Variants in PARD3B observed in about 807,000 individuals in gnomAD.
The protein encoded by PARD3B is partitioning defective 3 homolog B.
A neutral mutation model predicts 130.2 loss-of-function variants in PARD3B; 103 were observed. The ratio of observed to expected loss-of-function variants is 0.79; its 90% CI spans 0.67 to 0.93. The LOEUF (loss-of-function observed/expected upper bound fraction) is 0.93. PARD3B is among the 40% of genes least tolerant of loss of function. The probability of loss-of-function intolerance (pLI) is 0.00; values close to 1 mark genes in which losing one functional copy is unlikely to be tolerated. For missense variants in PARD3B, 1,609 were observed against 1,499.2 expected (o/e 1.07, Z -1.21); for synonymous variants, 583 against 553.2 (o/e 1.05, Z -0.76).
intron 15 of PARD3B, among the ~76,000 whole-genome samples, chr2:205,209,642 G>C (rs991843869): frequency 1.3e-5 from 2 of 151,502 alleles, no homozygotes; most frequent in Non-Finnish European, 1.5e-5. Context: ...TAGGTTAAAT[G>C]AAGTTTAGCA....
intron 15 of PARD3B, among the ~76,000 whole-genome samples, chr2:205,217,665 C>T (rs1233264894): frequency 6.6e-6 from 1 of 151,230 alleles, no homozygotes. Flanking sequence ...TTCTTAATGT[C>T]TCTAACCTAC....
intron 15 of PARD3B, among the ~76,000 whole-genome samples, chr2:205,233,961 A>G (rs779841622): frequency 6.6e-6 from 1 of 152,212 alleles, no homozygotes; most frequent in Non-Finnish European, 1.5e-5. Context: ...AAGTCTATAT[A>G]CTATTGTAAG....
intron 21 of PARD3B, among the ~76,000 whole-genome samples, chr2:205,505,995 A>T (rs971723532): frequency 6.6e-6 from 1 of 152,180 alleles, no homozygotes; most frequent in Admixed American, 6.6e-5. Context: ...AGTGGGAGTT[A>T]AAACATCTTA....
Position 205,446,699 on chromosome 2 carries a change from C to A in PARD3B, c.3044+6027C>A, listed in dbSNP as rs1011703703. On this transcript the variant is annotated intron_variant, in intron 20 of 22. Transcript: ENST00000406610. This position sits in a 1 kb window ranked among gnomAD's most constrained non-coding sequence, Gnocchi z 4.4. ...GACAGTGGTTAAAAAAAAATTTCTA[C>A]CACCAGGACAGAGACACGTGACTGG... Among the ~76,000 whole-genome samples the A allele has an allele frequency of 3.3e-5, 5 of 152,110 alleles. No individual in the cohort carries two copies. The highest frequency in any genetic ancestry group is 2.0e-4 in the Admixed American group (3 of 15,274).
intron 16 of PARD3B, among the ~76,000 whole-genome samples, chr2:205,286,800 A>G (rs1485598398): frequency 6.6e-6 from 1 of 152,206 alleles, no homozygotes; most frequent in African/African-American, 2.4e-5. Flanking sequence ...TCCAGACAAC[A>G]TATTTAATTA....
intron 16 of PARD3B, among the ~76,000 whole-genome samples, chr2:205,249,193 ATT>A (rs367716905): frequency 8.1e-6 from 1 of 123,360 alleles, no homozygotes. Context: ...TTTTTTTTGT[ATT>A]TTTTTTTTAT....
intron 2 of PARD3B, among the ~76,000 whole-genome samples, chr2:204,692,847 A>G (rs527818620): frequency 6.6e-4 from 100 of 152,202 alleles, no homozygotes; most frequent in Non-Finnish European, 1.3e-3. Context: ...CATGGATCCA[A>G]ACAAGACCTC....
chr2:204,563,500 G>A (rs2031479964), intron 1 of PARD3B, among the ~76,000 whole-genome samples: 1 of 152,008 alleles, frequency 6.6e-6, no homozygotes. Flanking sequence ...TTTCCACTAA[G>A]ACACATTGGG....
intron 11 of PARD3B, among the ~76,000 whole-genome samples, chr2:205,170,170 T>G (rs993645787): frequency 5.9e-5 from 9 of 152,144 alleles, no homozygotes; most frequent in African/African-American, 2.2e-4. Context: ...CCTCAGGGGA[T>G]CCGCCCACCT....
At chr2:204,964,848 G>T (rs1191400502) in intron 2 of PARD3B, among the ~76,000 whole-genome samples, 1 of 152,114 alleles carries the variant, frequency 6.6e-6, no homozygotes, top group Non-Finnish European at 1.5e-5. Context: ...TTTAGGGAAG[G>T]TGGGGTAGTG....
At chr2:204,696,621 G>A (rs2037624180) in intron 2 of PARD3B, among the ~76,000 whole-genome samples, 1 of 152,060 alleles carries the variant, frequency 6.6e-6, no homozygotes, top group Non-Finnish European at 1.5e-5. Context: ...TAGTAAATAA[G>A]AATATTCAGT....
chr2:205,547,763 T>C (rs6721320), intron 21 of PARD3B, among the ~76,000 whole-genome samples: 73,420 of 152,068 alleles, frequency 0.48, 19,310 homozygotes, highest in Middle Eastern at 0.72. Flanking sequence ...AGCATACCTC[T>C]CATTTAGTCA....
chr2:204,555,914 T>C (rs2030891629), intron 1 of PARD3B, among the ~76,000 whole-genome samples: 1 of 152,216 alleles, frequency 6.6e-6, no homozygotes, highest in Non-Finnish European at 1.5e-5. Flanking sequence ...GAGAACCCTT[T>C]CTATTGCCCT....
At chr2:204,841,718 T>A (rs2044265475) in intron 2 of PARD3B, among the ~76,000 whole-genome samples, 1 of 152,244 alleles carries the variant, frequency 6.6e-6, no homozygotes, top group South Asian at 2.1e-4. Context: ...TCTCTTTTCC[T>A]CTTCTACAGG....
chr2:205,273,916 G>C (rs1049086122), intron 16 of PARD3B, among the ~76,000 whole-genome samples: 5 of 152,084 alleles, frequency 3.3e-5, no homozygotes, highest in African/African-American at 1.2e-4. Context: ...CTGTGGTGGG[G>C]GTGAGGGTCA....
intron 2 of PARD3B, among the ~76,000 whole-genome samples, chr2:204,734,063 T>G (rs535525884): frequency 6.6e-6 from 1 of 152,248 alleles, no homozygotes; most frequent in Non-Finnish European, 1.5e-5. Context: ...CACAGATAAC[T>G]CTTATAATTT....
intron 18 of PARD3B, among the ~76,000 whole-genome samples, chr2:205,399,610 C>T (rs1216742349): frequency 2.0e-5 from 3 of 152,192 alleles, no homozygotes; most frequent in Non-Finnish European, 1.5e-5. Flanking sequence ...CTGCCTTGGC[C>T]TCCCAAAGTG....
In PARD3B at chr2:204,750,629, CAT is replaced by C. The variant is rs1446571950; in HGVS notation, c.222+64349_222+64350del. 4.0e-5 allele frequency among the ~76,000 whole-genome samples: 6 copies of C among 149,398 alleles called. No individual in the cohort carries two copies. In the East Asian group the frequency reaches 5.8e-4, roughly 15 times the overall value. Reference sequence around the variant, plus strand: ...ACATACATACATACATACATACATACATACACACACACATACATACATACATA... The same window carrying C: ...ACATACATACATACATACATACATACACACACACACATACATACATACATA... On this transcript the variant is annotated intron_variant, in intron 2 of 22. Transcript: ENST00000406610.
intron 2 of PARD3B, among the ~76,000 whole-genome samples, chr2:204,802,099 C>T (rs2042591424): frequency 6.6e-6 from 1 of 152,022 alleles, no homozygotes; most frequent in African/African-American, 2.4e-5. Context: ...CTGCTGGATT[C>T]GTTTTGCCTG....
Sources: gnomAD v4.1 joint callset for allele counts (sites outside exome capture counted in the v4.1 genomes callset) on GRCh38, gnomAD v4.1.1 for gene constraint, Gnocchi (gnomAD v3.1) non-coding constraint, MANE v1.5 for transcripts, NCBI Gene and HGNC (gene_info 2026-07-23, HGNC 2026-07-21) for gene names.